Variants in CSMD1 observed in about 807,000 individuals in gnomAD.
CSMD1 encodes the protein CUB and Sushi multiple domains 1.
A neutral mutation model predicts 417.5 loss-of-function variants in CSMD1; 213 were observed. The observed-to-expected ratio is 0.51, with a 90% CI of 0.46 to 0.57. The LOEUF is 0.57. Among genes scored for constraint, CSMD1 ranks in the 20% least tolerant of loss-of-function variants. CSMD1 has a pLI of 0.00. For synonymous variants in CSMD1, 2,862 were observed against 1,736.8 expected, an observed-to-expected ratio of 1.65 and a Z score of -16.11; for missense variants, 6,923 against 4,529.7, an observed-to-expected ratio of 1.53 and a Z score of -15.17.
At chr8:3,083,658 T>TA (rs1814307294) in intron 49 of CSMD1, among the ~76,000 whole-genome samples, 19 of 63,798 alleles carry the variant, frequency 3.0e-4, no homozygotes, top group South Asian at 1.4e-3. Flanking sequence ...ATTTTTTTTT[T>TA]TTTTTTTTTT....
At chr8:3,776,357 C>T (rs189973172) in intron 5 of CSMD1, among the ~76,000 whole-genome samples, 2 of 152,168 alleles carry the variant, frequency 1.3e-5, no homozygotes, top group African/African-American at 2.4e-5. Flanking sequence ...CCAGGGGTCA[C>T]CTGTCTCACT....
intron 1 of CSMD1, among the ~76,000 whole-genome samples, chr8:4,880,881 T>C (rs1051969493): frequency 3.9e-5 from 6 of 152,262 alleles, no homozygotes; most frequent in Admixed American, 2.0e-4. Flanking sequence ...TCATGCTTTA[T>C]AGAAAGAGAA....
chr8:4,577,462 G>A (rs560353601), intron 2 of CSMD1, among the ~76,000 whole-genome samples: 6 of 152,212 alleles, frequency 3.9e-5, no homozygotes, highest in Admixed American at 2.0e-4. Context: ...AGCTCCAAGC[G>A]TGCTCCCCTC....
At chr8:3,642,483 A>C (rs1797355756) in intron 7 of CSMD1, among the ~76,000 whole-genome samples, 2 of 152,326 alleles carry the variant, frequency 1.3e-5, no homozygotes, top group Non-Finnish European at 1.5e-5. Flanking sequence ...TGACCCAAGC[A>C]AACACAAATC....
intron 6 of CSMD1, among the ~76,000 whole-genome samples, chr8:3,725,554 T>C (rs919234435): frequency 6.6e-6 from 1 of 152,140 alleles, no homozygotes; most frequent in Admixed American, 6.5e-5. Context: ...CATGAGCTGC[T>C]TGTATTAAGT....
intron 54 of CSMD1, among the ~76,000 whole-genome samples, chr8:2,989,561 C>T (rs1488103898): frequency 1.3e-5 from 2 of 152,058 alleles, no homozygotes; most frequent in Non-Finnish European, 2.9e-5. Flanking sequence ...GTTTAAAAAA[C>T]AAAGGCTACA....
At chr8:4,244,902 A>G (rs145669495) in intron 3 of CSMD1, among the ~76,000 whole-genome samples, 238 of 152,314 alleles carry the variant, frequency 1.6e-3, no homozygotes, top group Non-Finnish European at 2.5e-3. Context: ...TAATGGAGAT[A>G]ACAACATTTA....
intron 26 of CSMD1, among the ~76,000 whole-genome samples, chr8:3,240,926 T>A (rs1365211743): frequency 2.0e-5 from 3 of 151,946 alleles, no homozygotes; most frequent in Admixed American, 1.3e-4. Context: ...ATAACAGGCT[T>A]TAATCCTTTT....
intron 2 of CSMD1, among the ~76,000 whole-genome samples, chr8:4,433,354 T>C (rs150139427): frequency 1.6e-4 from 24 of 152,232 alleles, no homozygotes; most frequent in African/African-American, 5.8e-4. Flanking sequence ...TGCTATTATA[T>C]ACAACTCATA....
chr8:3,435,585 C>A (rs1814507902), intron 12 of CSMD1, among the ~76,000 whole-genome samples: 1 of 152,104 alleles, frequency 6.6e-6, no homozygotes, highest in Non-Finnish European at 1.5e-5. Flanking sequence ...TCATGTCTGT[C>A]TTCTAACCAC....
intron 3 of CSMD1, among the ~76,000 whole-genome samples, chr8:4,215,210 C>A (rs1039078510): frequency 6.6e-6 from 1 of 152,164 alleles, no homozygotes; most frequent in South Asian, 2.1e-4. Context: ...TAACCAGCTG[C>A]GACCTCTAGG....
intron 41 of CSMD1, among the ~76,000 whole-genome samples, chr8:3,140,285 T>A (rs1368506434): frequency 2.6e-5 from 4 of 152,180 alleles, no homozygotes; most frequent in African/African-American, 4.8e-5. Context: ...GGCAAGCAGA[T>A]CTGTATCCAT....
At chr8:3,829,252 C>T (rs897162085) in intron 5 of CSMD1, among the ~76,000 whole-genome samples, 4 of 152,120 alleles carry the variant, frequency 2.6e-5, no homozygotes, top group Non-Finnish European at 4.4e-5. Flanking sequence ...TAGCTTAGCT[C>T]CCACATATGA....
At chr8:4,213,910 G>C (rs979681139) in intron 3 of CSMD1, among the ~76,000 whole-genome samples, 1 of 152,138 alleles carries the variant, frequency 6.6e-6, no homozygotes, top group Non-Finnish European at 1.5e-5. Flanking sequence ...ATGAATGGAG[G>C]GATGACTCAT....
Position 3,776,807 on chromosome 8 carries a change from G to C in CSMD1, c.819-22765C>G, listed in dbSNP as rs796273615. Among the ~76,000 whole-genome samples, 90 of 139,938 alleles carry C rather than the reference G, an allele frequency of 6.4e-4. 2 individuals are homozygous for C. The highest frequency in any genetic ancestry group is 2.5e-3 in the African/African-American group (89 of 35,014). 91.8% of individuals were successfully genotyped at this position (139,938 alleles called of 152,430 possible). A position where few individuals can be genotyped will look rare whatever the true frequency, so the allele number is the denominator to read the frequency against. On this transcript the variant is annotated intron_variant, in intron 5 of 69. Coordinates refer to ENST00000635120, the MANE Select transcript of CSMD1 (RefSeq NM_033225.6). Reference sequence around the variant, plus strand: ...GTGATAGATAGTGACATATAGACGAGATATATATATATATATACAGATGAC... The same window carrying C: ...GTGATAGATAGTGACATATAGACGACATATATATATATATATACAGATGAC...
At chr8:3,003,468 C>A (rs911338044) in intron 52 of CSMD1, among the ~76,000 whole-genome samples, 1 of 152,166 alleles carries the variant, frequency 6.6e-6, no homozygotes, top group Non-Finnish European at 1.5e-5. Context: ...CAGTCACACA[C>A]TGAGTACTTG....
intron 1 of CSMD1, among the ~76,000 whole-genome samples, chr8:4,847,952 C>G (rs1474919569): frequency 6.6e-6 from 1 of 152,096 alleles, no homozygotes; most frequent in African/African-American, 2.4e-5. Context: ...AAGCACCACC[C>G]CCCATCCCTT....
chr8:3,246,765 G>C (rs2117007126), intron 26 of CSMD1, among the ~76,000 whole-genome samples: 1 of 152,296 alleles, frequency 6.6e-6, no homozygotes, highest in Middle Eastern at 3.4e-3. Flanking sequence ...GAACCACCGG[G>C]CCTGGACTTT....
At chr8:3,306,497 A>C (rs924730) in intron 25 of CSMD1, among the ~76,000 whole-genome samples, 55,914 of 152,030 alleles carry the variant, frequency 0.37, 10,834 homozygotes, top group Middle Eastern at 0.44. Flanking sequence ...TTTCAGCTTC[A>C]CGTATGTGTA....
Sources: allele counts gnomAD v4.1 joint callset (sites outside exome capture counted in the v4.1 genomes callset), GRCh38; gene constraint gnomAD v4.1.1; transcripts MANE v1.5; gene names NCBI Gene and HGNC (gene_info 2026-07-23, HGNC 2026-07-21).